Variants in SLC25A20 observed in about 807,000 individuals in gnomAD.
SLC25A20 encodes mitochondrial carnitine/acylcarnitine carrier protein.
A neutral mutation model predicts 39.7 loss-of-function variants in SLC25A20; 29 were observed. The ratio of observed to expected loss-of-function variants is 0.73; its 90% CI spans 0.54 to 1.00. The LOEUF is 1.00. Ranked by LOEUF, SLC25A20 falls within the 50% of genes least tolerant of loss-of-function variation. SLC25A20 has a pLI of 0.00. For synonymous variants in SLC25A20, 103 were observed against 142.2 expected (o/e 0.72, Z 1.96); for missense variants, 333 against 379.9 (o/e 0.88, Z 1.03).
intron 3 of SLC25A20, among the ~76,000 whole-genome samples, chr3:48,883,350 C>A (rs1031722291): frequency 1.3e-5 from 2 of 151,848 alleles, no homozygotes; most frequent in Admixed American, 6.6e-5. Flanking sequence ...GTCAGGAGAT[C>A]GTGACCAGCC....
At chr3:48,896,361 G>A (rs1357752918) in intron 1 of SLC25A20, among the ~76,000 whole-genome samples, 2 of 151,824 alleles carry the variant, frequency 1.3e-5, no homozygotes, top group African/African-American at 4.8e-5. Flanking sequence ...ATAGACATGA[G>A]GTCTTGCCAT....
intron 1 of SLC25A20, among the ~76,000 whole-genome samples, chr3:48,894,078 T>C (rs920710864): frequency 4.0e-5 from 6 of 150,126 alleles, no homozygotes; most frequent in Admixed American, 6.7e-5. Context: ...GGAGAATTGC[T>C]TGAACCCGGG....
intron 4 of SLC25A20, 136 bp from the exon 5 acceptor site, chr3:48,862,795 T>G (rs2083637302): frequency 1.4e-6 from 1 of 705,726 alleles, no homozygotes; most frequent in East Asian, 2.6e-5. Context: ...GATAAGTATC[T>G]GGAATGTGTG....
Position 48,857,879 on chromosome 3 carries a change from A to G in SLC25A20, c.844-107T>C, listed in dbSNP as rs1459537468. The G allele has an allele frequency of 1.0e-5, 9 of 887,502 alleles. No homozygotes were observed. In the Admixed American group the frequency reaches 1.9e-4, roughly 18 times the overall value. The allele number at this position is 887,502 out of a possible 1,614,324, so 55.0% of individuals were successfully genotyped here. ...CTGTCAGGACCAGAGCCCCTCCCTA[A>G]CCCCACACCCACTCCACATCAAGGA... On this transcript the variant is annotated intron_variant, in intron 8 of 8. Transcript: ENST00000319017.
chr3:48,893,063 G>C (rs992968545), intron 1 of SLC25A20, among the ~76,000 whole-genome samples: 1 of 150,540 alleles, frequency 6.6e-6, no homozygotes, highest in Non-Finnish European at 1.5e-5. Flanking sequence ...GTTTCACTCT[G>C]TCACTCAGGC....
At chr3:48,861,685 C>T (rs1161184186) in intron 5 of SLC25A20, among the ~76,000 whole-genome samples, 1 of 152,040 alleles carries the variant, frequency 6.6e-6, no homozygotes, top group African/African-American at 2.4e-5. Flanking sequence ...TGAGAATGCA[C>T]CACTGCATTC....
chr3:48,879,978 C>T (rs1274992805), intron 3 of SLC25A20, among the ~76,000 whole-genome samples: 7 of 152,136 alleles, frequency 4.6e-5, no homozygotes, highest in Non-Finnish European at 1.0e-4. Context: ...AGCTTCAAGG[C>T]CAAGGAGGAT....
chr3:48,885,157 G>A (rs771314164), intron 2 of SLC25A20, among the ~76,000 whole-genome samples: 20 of 152,056 alleles, frequency 1.3e-4, no homozygotes, highest in Non-Finnish European at 2.8e-4. Flanking sequence ...TGTAGTCCTA[G>A]GCAGTCAGGA....
chr3:48,885,807 AC>A (rs563956399), intron 2 of SLC25A20, among the ~76,000 whole-genome samples: 29 of 152,282 alleles, frequency 1.9e-4, no homozygotes, highest in African/African-American at 6.5e-4. Flanking sequence ...TCTCAAAAAA[AC>A]AAAACTAAAC....
chr3:48,858,710 C>T, intron 7 of SLC25A20, 79 bp from the exon 8 acceptor site: 2 of 1,583,902 alleles, frequency 1.3e-6, no homozygotes, highest in African/African-American at 1.3e-5. Flanking sequence ...TCAGGACTAG[C>T]ACAGGGAAAG....
At chr3:48,882,544 G>A (rs2083802073) in intron 3 of SLC25A20, among the ~76,000 whole-genome samples, 1 of 152,082 alleles carries the variant, frequency 6.6e-6, no homozygotes, top group African/African-American at 2.4e-5. Context: ...TCCAGTAATT[G>A]ATACTACCTT....
rs779335863 is a variant in SLC25A20, at chr3:48,862,557, G to A, written c.520C>T (p.Leu174Phe). The A allele has an allele frequency of 1.2e-6, 2 of 1,612,464 alleles. No homozygotes were observed. Among genetic ancestry groups the A allele is most frequent in the Non-Finnish European group, 1.7e-6 (2 of 1,178,492 alleles). The change falls in exon 5 of 9, where the codon CTT (leucine) becomes TTT (phenylalanine). Residue 174 changes from leucine to phenylalanine, a missense_variant. Transcript: ENST00000319017. The part of the protein sequence containing the change: ...GIRGIYKGTV[L>F]TLMRDVPASG... ...GAAAGGTTACCTCGCATAAGGGTAA[G>A]CACAGTCCCTTTGTAGATGCCTCGG...
At chr3:48,863,406 A>G (rs2083641487) in intron 4 of SLC25A20, among the ~76,000 whole-genome samples, 1 of 152,204 alleles carries the variant, frequency 6.6e-6, no homozygotes, top group Non-Finnish European at 1.5e-5. Flanking sequence ...AAGTTCCCAG[A>G]CAGGGGTCCT....
intron 3 of SLC25A20, among the ~76,000 whole-genome samples, chr3:48,880,574 CTTTT>C (rs35306259): frequency 4.1e-5 from 3 of 73,082 alleles, no homozygotes; most frequent in African/African-American, 5.6e-5. Flanking sequence ...CTGTGCCCGG[CTTTT>C]TTTTTTTTTT....
At chr3:48,891,954 A>G in intron 2 of SLC25A20, 26 bp downstream of exon 2, 1 of 1,537,624 alleles carries the variant, frequency 6.5e-7, no homozygotes, top group Non-Finnish European at 9.0e-7. Flanking sequence ...TCTGAGTAAG[A>G]GGAATGCCCA....
At chr3:48,883,562 G>T (rs990358447) in intron 3 of SLC25A20, among the ~76,000 whole-genome samples, 1 of 105,474 alleles carries the variant, frequency 9.5e-6, no homozygotes. Flanking sequence ...AAAAAAGAAA[G>T]AAAAAAAAAA....
intron 5 of SLC25A20, among the ~76,000 whole-genome samples, chr3:48,860,031 A>G (rs1397806576): frequency 1.3e-5 from 2 of 152,150 alleles, no homozygotes; most frequent in Non-Finnish European, 2.9e-5. Flanking sequence ...GGCCGGGCAT[A>G]GTGGCTCATG....
At chr3:48,890,488 C>T (rs1391282885) in intron 2 of SLC25A20, among the ~76,000 whole-genome samples, 1 of 151,534 alleles carries the variant, frequency 6.6e-6, no homozygotes. Context: ...CGCGCCCGGC[C>T]TGATCTTTCT....
In SLC25A20 at chr3:48,884,104, C is replaced by T; in HGVS notation, c.219G>A (p.Arg73=). The change falls in exon 3 of 9, where the codon CGG becomes CGA. Residue 73 remains arginine, a synonymous_variant. Transcript: ENST00000319017. ...CCCCGATGATAGGGGCAGCCATTCC[C>T]CGATATAGCCCCGTGATGCCCTGCA... is the stretch of plus-strand genomic sequence containing the variant. The part of the protein sequence containing the change: ...LFREGITGLY[R]GMAAPIIGVT... 1.2e-6 allele frequency: 2 copies of T among 1,613,646 alleles called. No individual in the cohort carries two copies. The highest frequency in any genetic ancestry group is 2.7e-5 in the African/African-American group (2 of 75,044).
Sources: gnomAD v4.1 joint callset for allele counts (sites outside exome capture counted in the v4.1 genomes callset) on GRCh38, gnomAD v4.1.1 for gene constraint, MANE v1.5 for transcripts, NCBI Gene and HGNC (gene_info 2026-07-23, HGNC 2026-07-21) for gene names.